Variants in STAG1 observed in about 807,000 individuals in gnomAD.
The protein encoded by STAG1 is cohesin subunit SA-1.
In STAG1, 26 loss-of-function variants were observed where a neutral mutation model predicts 170.9. That is an observed-to-expected ratio of 0.15 (90% CI 0.11 to 0.21). The LOEUF (loss-of-function observed/expected upper bound fraction) is 0.21, where lower values mean the gene tolerates loss of function less well. Among genes scored for constraint, STAG1 ranks in the 10% least tolerant of loss-of-function variants. The pLI is 1.00. For synonymous variants in STAG1, 514 were observed against 497.7 expected (o/e 1.03, Z -0.44); for missense variants, 964 against 1,509.5 (o/e 0.64, Z 5.99).
At chr3:136,376,023 A>ATT (rs1433812135) in intron 23 of STAG1, among the ~76,000 whole-genome samples, 5 of 144,514 alleles carry the variant, frequency 3.5e-5, no homozygotes, top group African/African-American at 1.3e-4. Flanking sequence ...TAACAAAATA[A>ATT]AATAAAATAA....
chr3:136,338,732 C>T (rs890550304), intron 32 of STAG1, among the ~76,000 whole-genome samples: 1 of 152,172 alleles, frequency 6.6e-6, no homozygotes, highest in African/African-American at 2.4e-5. Flanking sequence ...CCTACATGCC[C>T]AGGCCATATC....
At position 136,423,659 on chromosome 3, in the gene STAG1, G is replaced by C. The variant is rs560012009; in HGVS notation, c.1651-615C>G. On this transcript the variant is annotated intron_variant, in intron 16 of 33. Coordinates refer to ENST00000383202, the MANE Select transcript of STAG1 (RefSeq NM_005862.3). Reference sequence around the variant, plus strand: ...GATTCCAAAAATAAAATATTAAAATGTAAGTTCAGTTTAACATAATCATTT... The same window carrying C: ...GATTCCAAAAATAAAATATTAAAATCTAAGTTCAGTTTAACATAATCATTT... Among the ~76,000 whole-genome samples, 4 of 152,270 alleles carry C rather than the reference G, an allele frequency of 2.6e-5. No individual in the cohort carries two copies. In the East Asian group the frequency reaches 5.8e-4, roughly 22 times the overall value.
At chr3:136,550,311 C>CTT (rs150817952) in intron 5 of STAG1, among the ~76,000 whole-genome samples, 3 of 141,436 alleles carry the variant, frequency 2.1e-5, no homozygotes, top group African/African-American at 2.6e-5. Flanking sequence ...TCTGTTCAGC[C>CTT]TTTTTTTTTT....
intron 1 of STAG1, among the ~76,000 whole-genome samples, chr3:136,703,630 G>A (rs929691194): frequency 2.0e-5 from 3 of 152,130 alleles, no homozygotes; most frequent in Non-Finnish European, 2.9e-5. Context: ...AGGCTTCAGT[G>A]ACCACACACA....
Position 136,359,245 on chromosome 3 carries a change from C to T in STAG1, c.2839G>A (p.Ala947Thr). 1.2e-6 allele frequency: 2 copies of T among 1,613,270 alleles called. No homozygotes were observed. The highest frequency in any genetic ancestry group is 1.1e-5 in the South Asian group (1 of 90,960). The part of the protein sequence containing the change: ...EQGPNLDRTS[A>T]HVSGIKELAR... ...AGTTCTTTAATGCCACTGACATGGGCAGATGTCCTATCTAGGTTGGGACCT... is the reference window on the plus strand; with the variant it reads ...AGTTCTTTAATGCCACTGACATGGGTAGATGTCCTATCTAGGTTGGGACCT... The change falls in exon 27 of 34, where the codon GCC (alanine) becomes ACC (threonine). Residue 947 changes from alanine to threonine, a missense_variant. By Grantham distance (58) the Ala-to-Thr change is moderately conservative. Around this residue, in one of 11 missense-constraint regions of STAG1, gnomAD observed 149 missense variants for 301.3 expected, o/e 0.49. Transcript: ENST00000383202.
chr3:136,664,421 C>T (rs973458939), intron 1 of STAG1, among the ~76,000 whole-genome samples: 7 of 152,174 alleles, frequency 4.6e-5, no homozygotes, highest in Non-Finnish European at 1.0e-4. Flanking sequence ...GGCAGCTCTT[C>T]AGACACTAAA....
chr3:136,541,884 A>G (rs1284766147), intron 6 of STAG1, among the ~76,000 whole-genome samples: 1 of 152,134 alleles, frequency 6.6e-6, no homozygotes. Context: ...ATCTACTTTT[A>G]CCTCATATCA....
At chr3:136,405,283 C>A (rs895675132) in intron 21 of STAG1, among the ~76,000 whole-genome samples, 2 of 134,428 alleles carry the variant, frequency 1.5e-5, no homozygotes, top group African/African-American at 5.6e-5. Flanking sequence ...ACTCTGTTGC[C>A]CAGGCTGGAG....
chr3:136,413,029 C>A (rs540113065), intron 21 of STAG1, among the ~76,000 whole-genome samples: 126 of 151,306 alleles, frequency 8.3e-4, no homozygotes, highest in Middle Eastern at 6.9e-3. Context: ...CACCTGGCTA[C>A]TTTTTTGTAT....
At chr3:136,658,706 T>C (rs1210592986) in intron 1 of STAG1, among the ~76,000 whole-genome samples, 2 of 152,208 alleles carry the variant, frequency 1.3e-5, no homozygotes, top group African/African-American at 2.4e-5. Context: ...GTAAATTTCA[T>C]CTGAATTATA....
At chr3:136,537,559 G>A (rs140884422) in intron 6 of STAG1, among the ~76,000 whole-genome samples, 96 of 145,480 alleles carry the variant, frequency 6.6e-4, no homozygotes, top group African/African-American at 2.3e-3. Context: ...GGAGTGTGGT[G>A]GCGTGATCTC....
intron 1 of STAG1, among the ~76,000 whole-genome samples, chr3:136,747,945 T>G (rs1935031362): frequency 6.6e-6 from 1 of 151,294 alleles, no homozygotes; most frequent in African/African-American, 2.4e-5. Flanking sequence ...CCCAGCTGAT[T>G]TTTTCTATTT....
intron 1 of STAG1, among the ~76,000 whole-genome samples, chr3:136,647,651 C>T (rs1053845060): frequency 6.6e-6 from 1 of 152,132 alleles, no homozygotes; most frequent in Non-Finnish European, 1.5e-5. Context: ...CCCCAAGTCC[C>T]CATGTCAATA....
At chr3:136,735,780 T>C (rs1934299465) in intron 1 of STAG1, among the ~76,000 whole-genome samples, 1 of 152,184 alleles carries the variant, frequency 6.6e-6, no homozygotes, top group Non-Finnish European at 1.5e-5. Flanking sequence ...GCCCAGCTAA[T>C]TTTTTCTGGG....
chr3:136,401,373 G>A, intron 21 of STAG1, among the ~76,000 whole-genome samples: 1 of 152,148 alleles, frequency 6.6e-6, no homozygotes, highest in Non-Finnish European at 1.5e-5. Context: ...CTGGAAAATA[G>A]GGACAAAATC....
chr3:136,469,587 C>T (rs921987917), intron 12 of STAG1, among the ~76,000 whole-genome samples: 4 of 148,940 alleles, frequency 2.7e-5, no homozygotes, highest in African/African-American at 7.4e-5. Flanking sequence ...TCAATGCCAT[C>T]CCCATCAAGC....
intron 12 of STAG1, among the ~76,000 whole-genome samples, chr3:136,465,988 C>G (rs2089446141): frequency 6.6e-6 from 1 of 152,066 alleles, no homozygotes; most frequent in South Asian, 2.1e-4. Context: ...GACATCCACA[C>G]CAAAACCCCA....
intron 7 of STAG1, among the ~76,000 whole-genome samples, chr3:136,513,253 G>A (rs921862782): frequency 1.3e-5 from 2 of 151,946 alleles, no homozygotes; most frequent in African/African-American, 4.8e-5. Flanking sequence ...TACTCAGGAG[G>A]CTGAGGTCGG....
intron 1 of STAG1, among the ~76,000 whole-genome samples, chr3:136,742,333 A>C (rs1283802369): frequency 6.6e-6 from 1 of 152,248 alleles, no homozygotes; most frequent in Admixed American, 6.5e-5. Flanking sequence ...TAAATTTTAA[A>C]GGATTAAAAT....
Sources: gnomAD v4.1 joint callset for allele counts (sites outside exome capture counted in the v4.1 genomes callset) on GRCh38, gnomAD v4.1.1 for gene constraint, gnomAD v4.1.1 regional missense constraint, MANE v1.5 for transcripts, NCBI Gene and HGNC (gene_info 2026-07-23, HGNC 2026-07-21) for gene names.